The following ACAD9 variants were observed in gnomAD, a reference collection of about 807,000 sequenced individuals.
ACAD9 encodes the protein complex I assembly factor ACAD9, mitochondrial.
ACAD9 carries 53 observed loss-of-function variants against 70.2 expected under a neutral mutation model. That is an observed-to-expected ratio of 0.75 (90% CI 0.61 to 0.95). ACAD9 has a LOEUF of 0.95. Ranked by LOEUF, ACAD9 falls within the 40% of genes least tolerant of loss-of-function variation. ACAD9 has a pLI of 0.00. For missense variants in ACAD9, 777 were observed against 802.8 expected (o/e 0.97, Z 0.39); for synonymous variants, 313 against 312.1 (o/e 1.00, Z -0.03).
At chr3:128,895,784 C>T (rs1453798103) in intron 4 of ACAD9, among the ~76,000 whole-genome samples, 1 of 152,238 alleles carries the variant, frequency 6.6e-6, no homozygotes, top group African/African-American at 2.4e-5. Flanking sequence ...CCACCTTCTC[C>T]CCACTGGGCT....
chr3:128,880,119 A>C, intron 1 of ACAD9: 2 of 1,117,290 alleles, frequency 1.8e-6, no homozygotes, highest in East Asian at 3.2e-5. Flanking sequence ...TAGGTAATTA[A>C]CAAAGCAGCC....
intron 6 of ACAD9, among the ~76,000 whole-genome samples, 191 bp downstream of exon 6, chr3:128,897,901 G>A (rs985035953): frequency 6.6e-6 from 1 of 152,066 alleles, no homozygotes; most frequent in Non-Finnish European, 1.5e-5. Context: ...TGTCACCCAG[G>A]CTGGAGTGCA....
In ACAD9 at chr3:128,893,594, A is replaced by C. The variant is rs761565265; in HGVS notation, c.284A>C (p.Asp95Ala). The C allele has an allele frequency of 2.1e-5, 34 of 1,614,112 alleles. No individual in the cohort carries two copies. In the East Asian group the frequency reaches 7.6e-4, roughly 36 times the overall value. Residue 95 changes from aspartate to alanine, a missense_variant, in exon 3 of 18, where the codon GAT (aspartate) becomes GCT (alanine). Physicochemically the swap from Asp to Ala is moderately radical, Grantham distance 126. Transcript: ENST00000308982. ...ATTGACCAGGAAGGGAAAATCCCAG[A>C]TGAAACTTTGGAGAAATTGAAGAGC... ...RKIDQEGKIPDETLEKLKSLG... is the reference protein window; with the variant it reads ...RKIDQEGKIPAETLEKLKSLG...
intron 14 of ACAD9, 56 bp downstream of exon 14, chr3:128,909,155 T>C: frequency 6.2e-7 from 1 of 1,610,792 alleles, no homozygotes; most frequent in Non-Finnish European, 8.5e-7. Context: ...CCAGATCTCC[T>C]TGTGGCAGAA....
intron 2 of ACAD9, among the ~76,000 whole-genome samples, chr3:128,892,442 A>T (rs1445516916): frequency 6.6e-6 from 1 of 152,242 alleles, no homozygotes; most frequent in East Asian, 1.9e-4. Context: ...AGCAATTCAG[A>T]AGTACACTTT....
intron 1 of ACAD9, chr3:128,880,110 A>G (rs1015400519): frequency 8.1e-6 from 10 of 1,233,956 alleles, no homozygotes; most frequent in African/African-American, 1.5e-5. Flanking sequence ...ACTCTAGGCT[A>G]GGTAATTAAC....
At chr3:128,909,253 A>G in intron 14 of ACAD9, 91 bp from the exon 15 acceptor site, 2 of 1,598,352 alleles carry the variant, frequency 1.3e-6, no homozygotes, top group South Asian at 1.1e-5. Flanking sequence ...CTTCCCCCAG[A>G]TGGGGCATCT....
chr3:128,909,456 G>A, intron 15 of ACAD9, 35 bp downstream of exon 15: 1 of 1,606,822 alleles, frequency 6.2e-7, no homozygotes, highest in Non-Finnish European at 8.5e-7. Flanking sequence ...GTCGCAAGCG[G>A]TCCTCCAATT....
intron 11 of ACAD9, among the ~76,000 whole-genome samples, chr3:128,904,752 T>G (rs1935838731): frequency 6.6e-6 from 1 of 152,194 alleles, no homozygotes; most frequent in Non-Finnish European, 1.5e-5. Context: ...ATAATATCCT[T>G]TTAGAGTAAT....
rs919405771 is a variant in ACAD9 at position 128,888,785 on chromosome 3, T to C, written c.244+4039T>C. Among the ~76,000 whole-genome samples the C allele has an allele frequency of 5.3e-5, 8 of 152,106 alleles. No homozygotes were observed. The South Asian group carries it at 1.7e-3, about 31-fold the overall frequency. ...TTATATATAAACATAATTTATAATTTAGAAATACTTATTTCTGCTTTTTTT... is the reference window on the plus strand; with the variant it reads ...TTATATATAAACATAATTTATAATTCAGAAATACTTATTTCTGCTTTTTTT... On this transcript the variant is annotated intron_variant, in intron 2 of 17. Transcript: ENST00000308982.
At chr3:128,883,754 C>T (rs1395672318) in intron 1 of ACAD9, among the ~76,000 whole-genome samples, 1 of 151,982 alleles carries the variant, frequency 6.6e-6, no homozygotes, top group Non-Finnish European at 1.5e-5. Flanking sequence ...GTTAGGGACT[C>T]ACCTATAAGC....
intron 9 of ACAD9, among the ~76,000 whole-genome samples, 167 bp from the exon 10 acceptor site, chr3:128,903,895 C>G (rs1935814220): frequency 6.6e-6 from 1 of 152,106 alleles, no homozygotes; most frequent in African/African-American, 2.4e-5. Context: ...CTCCTCTGAC[C>G]CACGGGTGCT....
chr3:128,910,765 G>C lies in ACAD9; in HGVS notation c.1717G>C (p.Val573Leu). The C allele has an allele frequency of 6.2e-7, 1 of 1,614,190 alleles. No individual in the cohort carries two copies. Among genetic ancestry groups the C allele is most frequent in the South Asian group, 1.1e-5 (1 of 91,080 alleles). Residue 573 changes from valine to leucine, a missense_variant, in exon 17 of 18, where the codon GTG (valine) becomes CTG (leucine). By Grantham distance (32) the Val-to-Leu change is conservative. Coordinates refer to ENST00000308982, the MANE Select transcript of ACAD9 (RefSeq NM_014049.5). ...GGTTCTCTTGGCCAACACCTTCTGC[G>C]TGGAAGCTTACTTGCAGAATCTCTT... is the stretch of plus-strand genomic sequence containing the variant. The part of the protein sequence containing the change: ...HEVLLANTFC[V>L]EAYLQNLFSL...
At position 128,908,416 on chromosome 3, in the gene ACAD9, T is replaced by C. The variant is rs13081342; in HGVS notation, c.1358+152T>C. ...TGGAGGGGACCTTCCCCTGTGGTAG[T>C]GGGGGGCTTGCTGCCCAGGGAAGCC... On this transcript the variant is annotated intron_variant, in intron 13 of 17. Coordinates refer to ENST00000308982, the MANE Select transcript of ACAD9 (RefSeq NM_014049.5). 114,315 of 907,148 alleles carry C rather than the reference T, an allele frequency of 0.13. 7,983 individuals carry two copies. Among genetic ancestry groups the C allele is most frequent in the South Asian group, 0.16 (11,839 of 71,778 alleles). 56.2% of individuals were successfully genotyped at this position (907,148 alleles called of 1,614,324 possible). A position where few individuals can be genotyped will look rare whatever the true frequency, so the allele number is the denominator to read the frequency against.
chr3:128,901,036 G>A (rs1391396746), intron 7 of ACAD9, among the ~76,000 whole-genome samples: 2 of 151,884 alleles, frequency 1.3e-5, no homozygotes, highest in East Asian at 1.9e-4. Flanking sequence ...TCTCTTTATC[G>A]TGATGCCCTA....
At chr3:128,888,703 C>G (rs916611922) in intron 2 of ACAD9, among the ~76,000 whole-genome samples, 5 of 152,124 alleles carry the variant, frequency 3.3e-5, no homozygotes, top group Non-Finnish European at 5.9e-5. Flanking sequence ...TTGTTTGTTT[C>G]TTATTTCACA....
chr3:128,909,066 A>C lies in ACAD9; in HGVS notation c.1452A>C (p.Thr484=). ...GCCGAACTGTGGACCTGGGGCTGAC[A>C]GGCAACCATGGAGTTGTGCACCCCA... ...SLGRTVDLGL[T]GNHGVVHPSL... The change falls in exon 14 of 18, where the codon ACA becomes ACC. Residue 484 remains threonine, a synonymous_variant. Transcript: ENST00000308982. The C allele has an allele frequency of 6.2e-7, 1 of 1,614,094 alleles. No homozygotes were observed. The highest frequency in any genetic ancestry group is 1.1e-5 in the South Asian group (1 of 91,090).
chr3:128,880,032 AGACGG>A (rs1935040970), intron 1 of ACAD9, 191 bp downstream of exon 1: 1 of 1,540,006 alleles, frequency 6.5e-7, no homozygotes, highest in Non-Finnish European at 8.7e-7. Flanking sequence ...GACATTTCCA[AGACGG>A]GGGACCCTTG....
intron 13 of ACAD9, 94 bp from the exon 14 acceptor site, chr3:128,908,879 G>A (rs900150927): frequency 2.8e-5 from 45 of 1,597,170 alleles, no homozygotes; most frequent in Non-Finnish European, 3.5e-5. Context: ...GCCAGAGGGG[G>A]GCACGGAGCT....
Sources: gnomAD v4.1 joint callset for allele counts (sites outside exome capture counted in the v4.1 genomes callset) on GRCh38, gnomAD v4.1.1 for gene constraint, MANE v1.5 for transcripts, NCBI Gene and HGNC (gene_info 2026-07-23, HGNC 2026-07-21) for gene names.